Variants in TRABD2B observed in about 807,000 individuals in gnomAD.
The protein encoded by TRABD2B is TraB domain containing 2B, also known as metalloprotease TIKI2.
TRABD2B carries 14 observed loss-of-function variants against 40.1 expected under a neutral mutation model. The ratio of observed to expected loss-of-function variants is 0.35; its 90% confidence interval spans 0.23 to 0.55. TRABD2B has a LOEUF of 0.55. Ranked by LOEUF, TRABD2B falls within the 20% of genes least tolerant of loss-of-function variation. The probability of loss-of-function intolerance (pLI) is 0.90; values close to 1 mark genes in which losing one functional copy is unlikely to be tolerated. For missense variants in TRABD2B, 541 were observed against 648.6 expected (o/e 0.83, Z 1.80); for synonymous variants, 263 against 277.0 (o/e 0.95, Z 0.50).
intron 2 of TRABD2B, among the ~76,000 whole-genome samples, chr1:47,811,996 T>C (rs1644971521): frequency 6.6e-6 from 1 of 152,242 alleles, no homozygotes; most frequent in African/African-American, 2.4e-5. Context: ...GACAGCATTA[T>C]TGAAAACCCA....
At chr1:47,914,742 G>T (rs2124715504) in intron 2 of TRABD2B, among the ~76,000 whole-genome samples, 1 of 152,354 alleles carries the variant, frequency 6.6e-6, no homozygotes. Flanking sequence ...GCCTGAGTCA[G>T]CAGAATCGGA....
intron 2 of TRABD2B, among the ~76,000 whole-genome samples, chr1:47,964,048 G>A (rs927221679): frequency 2.6e-5 from 4 of 152,226 alleles, no homozygotes; most frequent in African/African-American, 9.6e-5. Context: ...TTGTTCTGGA[G>A]TGTTGTTTTT....
intron 3 of TRABD2B, among the ~76,000 whole-genome samples, chr1:47,800,126 G>A (rs907440875): frequency 2.6e-5 from 4 of 151,690 alleles, no homozygotes; most frequent in African/African-American, 9.7e-5. Flanking sequence ...AAAACAGACC[G>A]AACTCCCTGC....
chr1:47,814,081 T>C (rs1380807640), intron 2 of TRABD2B, among the ~76,000 whole-genome samples: 1 of 152,266 alleles, frequency 6.6e-6, no homozygotes, highest in East Asian at 1.9e-4. Flanking sequence ...AGCAATCCCC[T>C]GTGGGGACAC....
At chr1:47,834,356 T>TCTGAGAAGCTCCAACATATTC in intron 2 of TRABD2B, among the ~76,000 whole-genome samples, 1 of 152,308 alleles carries the variant, frequency 6.6e-6, no homozygotes, top group South Asian at 2.1e-4. Context: ...CCACATGGGC[T>TCTGAGAAGCTCCAACATATTC]CTGAGAAGCT....
chr1:47,942,687 G>C (rs1297363357), intron 2 of TRABD2B, among the ~76,000 whole-genome samples: 1 of 152,178 alleles, frequency 6.6e-6, no homozygotes, highest in Non-Finnish European at 1.5e-5. Flanking sequence ...CCAGGTTCCA[G>C]GCAGGCATTA....
intron 2 of TRABD2B, among the ~76,000 whole-genome samples, chr1:47,937,316 C>G (rs1570323990): frequency 6.6e-6 from 1 of 151,512 alleles, no homozygotes; most frequent in Non-Finnish European, 1.5e-5. Context: ...TCATGATCAT[C>G]ACCATCACCA....
chr1:47,910,514 C>T (rs926600132), intron 2 of TRABD2B, among the ~76,000 whole-genome samples: 10 of 152,162 alleles, frequency 6.6e-5, no homozygotes, highest in Non-Finnish European at 1.2e-4. Context: ...AGTACCTTGT[C>T]ACTCAGAGAG....
intron 6 of TRABD2B, among the ~76,000 whole-genome samples, chr1:47,767,367 C>A (rs1644318817): frequency 6.6e-6 from 1 of 152,182 alleles, no homozygotes. Flanking sequence ...AGCAGGGAGG[C>A]CACAGTCAGC....
At chr1:47,986,275 A>G (rs1645917852) in intron 2 of TRABD2B, among the ~76,000 whole-genome samples, 1 of 152,212 alleles carries the variant, frequency 6.6e-6, no homozygotes, top group Non-Finnish European at 1.5e-5. Flanking sequence ...AACAGTACTG[A>G]ATATGTCTCA....
At chr1:47,961,135 G>C (rs1187644881) in intron 2 of TRABD2B, among the ~76,000 whole-genome samples, 1 of 152,182 alleles carries the variant, frequency 6.6e-6, no homozygotes, top group Non-Finnish European at 1.5e-5. Context: ...TTAATAAATG[G>C]TGCTGGGAAA....
chr1:47,788,561 G>A (rs756844017), intron 4 of TRABD2B, among the ~76,000 whole-genome samples: 1 of 152,156 alleles, frequency 6.6e-6, no homozygotes, highest in African/African-American at 2.4e-5. Context: ...GCAGTCCTGC[G>A]AAGAGTGATT....
intron 2 of TRABD2B, among the ~76,000 whole-genome samples, chr1:47,970,113 G>A (rs1445296739): frequency 6.6e-6 from 1 of 152,020 alleles, no homozygotes; most frequent in Non-Finnish European, 1.5e-5. Flanking sequence ...GTAAACGGAT[G>A]ACTTATCAGA....
intron 2 of TRABD2B, among the ~76,000 whole-genome samples, chr1:47,906,968 C>T (rs1366292901): frequency 1.3e-5 from 2 of 152,240 alleles, no homozygotes; most frequent in Non-Finnish European, 1.5e-5. Context: ...GCCCCTTCCC[C>T]GGACAGTGAT....
At chr1:47,801,763 T>C in intron 2 of TRABD2B, 144 bp from the exon 3 acceptor site, 1 of 1,052,286 alleles carries the variant, frequency 9.5e-7, no homozygotes, top group Non-Finnish European at 1.3e-6. Context: ...TGGCTCAGGC[T>C]GTGTGTTTCC....
intron 2 of TRABD2B, among the ~76,000 whole-genome samples, chr1:47,846,541 C>A (rs1364988089): frequency 1.3e-5 from 2 of 152,152 alleles, no homozygotes; most frequent in Non-Finnish European, 2.9e-5. Context: ...GTGACCCTCA[C>A]GTCTGAGGTG....
chr1:47,974,046 G>C (rs1223654631), intron 2 of TRABD2B, among the ~76,000 whole-genome samples: 1 of 152,190 alleles, frequency 6.6e-6, no homozygotes, highest in East Asian at 1.9e-4. Flanking sequence ...CGAGGCTGCA[G>C]TGAGCCATGA....
At chr1:47,878,068 A>G (rs1257834814) in intron 2 of TRABD2B, among the ~76,000 whole-genome samples, 2 of 151,924 alleles carry the variant, frequency 1.3e-5, no homozygotes, top group Non-Finnish European at 2.9e-5. Flanking sequence ...TAATCCCAGC[A>G]CTTTGGGAGG....
intron 2 of TRABD2B, among the ~76,000 whole-genome samples, chr1:47,807,596 G>A (rs987442303): frequency 6.6e-6 from 1 of 152,156 alleles, no homozygotes; most frequent in African/African-American, 2.4e-5. Flanking sequence ...ATTGTGATGA[G>A]AGTTCCTCCC....
Sources: gnomAD v4.1 joint callset for allele counts (sites outside exome capture counted in the v4.1 genomes callset) on GRCh38, gnomAD v4.1.1 for gene constraint, MANE v1.5 for transcripts, NCBI Gene and HGNC (gene_info 2026-07-23, HGNC 2026-07-21) for gene names.